The following ADAMTSL3 variants were observed in gnomAD, a reference collection of about 807,000 sequenced individuals.
The protein encoded by ADAMTSL3 is ADAMTS-like protein 3.
Under a neutral mutation model 201.7 loss-of-function variants are expected in ADAMTSL3, and 128 were observed. The ratio of observed to expected loss-of-function variants is 0.63; its 90% confidence interval spans 0.55 to 0.73. The LOEUF (loss-of-function observed/expected upper bound fraction) is 0.73, where lower values mean the gene tolerates loss of function less well. ADAMTSL3 is among the 30% of genes least tolerant of loss of function. The pLI, the probability that ADAMTSL3 is intolerant of heterozygous loss-of-function variation, is 0.00. For missense variants in ADAMTSL3, 1,990 were observed against 2,119.6 expected (o/e 0.94, Z 1.20); for synonymous variants, 738 against 748.4 (o/e 0.99, Z 0.23).
intron 23 of ADAMTSL3, among the ~76,000 whole-genome samples, chr15:83,997,584 C>T (rs764421334): frequency 6.6e-6 from 1 of 152,116 alleles, no homozygotes; most frequent in Admixed American, 6.5e-5. Context: ...AATAAGACTC[C>T]GTCTCAAAAA....
chr15:83,959,670 A>G (rs1567265050), intron 19 of ADAMTSL3, among the ~76,000 whole-genome samples: 1 of 152,212 alleles, frequency 6.6e-6, no homozygotes, highest in Non-Finnish European at 1.5e-5. Flanking sequence ...AACTCAATCT[A>G]TATTGTTCCC....
At chr15:83,729,357 TC>T (rs1324092847) in intron 3 of ADAMTSL3, among the ~76,000 whole-genome samples, 1 of 152,072 alleles carries the variant, frequency 6.6e-6, no homozygotes, top group Non-Finnish European at 1.5e-5. Flanking sequence ...CTAATCTTTC[TC>T]TCTACCTTCT....
intron 3 of ADAMTSL3, among the ~76,000 whole-genome samples, chr15:83,721,100 G>A (rs1032257738): frequency 6.6e-6 from 1 of 152,276 alleles, no homozygotes; most frequent in Admixed American, 6.5e-5. Context: ...AGCTTAGTTA[G>A]CAATTTTTTA....
intron 3 of ADAMTSL3, among the ~76,000 whole-genome samples, chr15:83,744,450 T>G (rs1428601080): frequency 6.6e-6 from 1 of 152,250 alleles, no homozygotes; most frequent in Non-Finnish European, 1.5e-5. Context: ...CTCTGAGCAT[T>G]AATTTTCTTT....
intron 10 of ADAMTSL3, among the ~76,000 whole-genome samples, chr15:83,886,507 G>C (rs929093930): frequency 5.3e-5 from 8 of 152,154 alleles, no homozygotes; most frequent in Non-Finnish European, 1.2e-4. Flanking sequence ...GCTAGGATCT[G>C]GTGCCAGGTC....
intron 4 of ADAMTSL3, among the ~76,000 whole-genome samples, chr15:83,782,142 T>C (rs2063180136): frequency 6.6e-6 from 1 of 152,174 alleles, no homozygotes; most frequent in Non-Finnish European, 1.5e-5. Flanking sequence ...GCAGCACTAT[T>C]CACAATAGCA....
intron 16 of ADAMTSL3, among the ~76,000 whole-genome samples, chr15:83,918,902 G>T (rs895008620): frequency 3.3e-5 from 5 of 152,158 alleles, no homozygotes; most frequent in Non-Finnish European, 7.3e-5. Flanking sequence ...GCTTAGACCG[G>T]AATGGTGACC....
intron 6 of ADAMTSL3, among the ~76,000 whole-genome samples, chr15:83,829,983 C>G (rs1190439369): frequency 6.6e-6 from 1 of 152,084 alleles, no homozygotes; most frequent in Non-Finnish European, 1.5e-5. Flanking sequence ...TGATATGGTG[C>G]TGAGAAGAAT....
chr15:83,751,202 T>C (rs191793458), intron 3 of ADAMTSL3, among the ~76,000 whole-genome samples: 10 of 152,340 alleles, frequency 6.6e-5, no homozygotes, highest in Admixed American at 6.5e-4. Context: ...GAAAACTCAG[T>C]GGACTAAGTT....
rs113984118 is a variant in ADAMTSL3 at position 83,663,014 on chromosome 15, G to A, written c.69+7184G>A. Among the ~76,000 whole-genome samples the A allele has an allele frequency of 6.0e-3, 910 of 152,236 alleles. 4 individuals are homozygous for A. Among genetic ancestry groups the A allele is most frequent in the African/African-American group, 0.02 (846 of 41,534 alleles). On this transcript the variant is annotated intron_variant, in intron 2 of 29. Coordinates refer to ENST00000286744, the MANE Select transcript of ADAMTSL3 (RefSeq NM_207517.3). ...GCTTCAGCTTGCCACTTGCTGCCGG[G>A]GTCTTCTCACCTAGCAGGCAGCCTT...
chr15:83,683,953 A>G (rs1021141077), intron 2 of ADAMTSL3, among the ~76,000 whole-genome samples: 1 of 152,212 alleles, frequency 6.6e-6, no homozygotes, highest in African/African-American at 2.4e-5. Context: ...TGCTTTTAGT[A>G]AAAACATTTA....
intron 7 of ADAMTSL3, among the ~76,000 whole-genome samples, chr15:83,841,211 T>A (rs1329461687): frequency 6.6e-6 from 1 of 152,338 alleles, no homozygotes; most frequent in African/African-American, 2.4e-5. Flanking sequence ...TTCCCAAAGT[T>A]CTCTTCAGAC....
intron 17 of ADAMTSL3, among the ~76,000 whole-genome samples, chr15:83,942,144 T>A (rs1029949907): frequency 4.6e-5 from 7 of 152,216 alleles, no homozygotes; most frequent in Admixed American, 2.0e-4. Context: ...ATGTTGTAAA[T>A]CCAATCCTAA....
intron 4 of ADAMTSL3, among the ~76,000 whole-genome samples, chr15:83,793,623 T>C (rs1323536478): frequency 2.0e-5 from 3 of 152,048 alleles, no homozygotes; most frequent in African/African-American, 7.2e-5. Flanking sequence ...ATTACAGGCA[T>C]GCGCCACTAT....
chr15:83,672,886 T>C (rs2061346299), intron 2 of ADAMTSL3, among the ~76,000 whole-genome samples: 1 of 152,208 alleles, frequency 6.6e-6, no homozygotes, highest in Non-Finnish European at 1.5e-5. Context: ...GTTTGCATCT[T>C]GGAGGTAGAC....
chr15:83,670,278 A>C (rs1040981192), intron 2 of ADAMTSL3, among the ~76,000 whole-genome samples: 3 of 151,276 alleles, frequency 2.0e-5, no homozygotes, highest in African/African-American at 7.3e-5. Flanking sequence ...AAAAAAAAAA[A>C]AAAAAGAACA....
intron 23 of ADAMTSL3, among the ~76,000 whole-genome samples, chr15:84,003,553 G>A (rs1596524656): frequency 6.6e-6 from 1 of 152,158 alleles, no homozygotes; most frequent in Admixed American, 6.5e-5. Context: ...TGGTGTCAGA[G>A]CAGGAGCCAG....
At position 83,750,366 on chromosome 15, in the gene ADAMTSL3, T is replaced by C. The variant is rs564277546; in HGVS notation, c.190-23157T>C. On this transcript the variant is annotated intron_variant, in intron 3 of 29. Transcript: ENST00000286744. ...GAAATGAACCAGTTTGAGCCCATAC[T>C]TGTTGAGGACTTAAGTAAATTATAT... Among the ~76,000 whole-genome samples the C allele has an allele frequency of 9.8e-5, 15 of 152,370 alleles. No individual in the cohort carries two copies. The South Asian group carries it at 3.1e-3, about 32-fold the overall frequency.
intron 6 of ADAMTSL3, among the ~76,000 whole-genome samples, chr15:83,820,706 C>A (rs1198354457): frequency 1.3e-5 from 2 of 152,158 alleles, no homozygotes; most frequent in Admixed American, 1.3e-4. Context: ...GCAGATTTTT[C>A]AGAGTGGTCT....
Sources: allele counts gnomAD v4.1 joint callset (sites outside exome capture counted in the v4.1 genomes callset), GRCh38; gene constraint gnomAD v4.1.1; transcripts MANE v1.5; gene names NCBI Gene and HGNC (gene_info 2026-07-23, HGNC 2026-07-21).